Variants in ADAM22 observed in about 807,000 individuals in gnomAD.
ADAM22 encodes the protein ADAM metallopeptidase domain 22, also known as disintegrin and metalloproteinase domain-containing protein 22.
Under a neutral mutation model 144.6 loss-of-function variants are expected in ADAM22, and 65 were observed. The ratio of observed to expected loss-of-function variants is 0.45; its 90% CI spans 0.37 to 0.55. The LOEUF (loss-of-function observed/expected upper bound fraction) is 0.55. Ranked by LOEUF, ADAM22 falls within the 20% of genes least tolerant of loss-of-function variation. The pLI, the probability that ADAM22 is intolerant of heterozygous loss-of-function variation, is 0.00. For synonymous variants in ADAM22, 391 were observed against 412.6 expected, an observed-to-expected ratio of 0.95 and a Z score of 0.63; for missense variants, 974 against 1,184.9, an observed-to-expected ratio of 0.82 and a Z score of 2.61.
Position 87,955,520 on chromosome 7 carries a change from C to A in ADAM22, c.246+20334C>A, listed in dbSNP as rs543015754. ...GTTTTGTCTCAGAGGAGTACCCGGC[C>A]GTGTGAGGTGTCAGTCTGCCCCTAC... is the stretch of plus-strand genomic sequence containing the variant. On this transcript the variant is annotated intron_variant, in intron 2 of 31. Transcript: ENST00000413139. Among the ~76,000 whole-genome samples, 6 of 152,244 alleles carry A rather than the reference C, an allele frequency of 3.9e-5. No homozygotes were observed. In the South Asian group the frequency reaches 1.2e-3, roughly 32 times the overall value.
intron 7 of ADAM22, among the ~76,000 whole-genome samples, chr7:88,122,889 ATCCT>A (rs1158853277): frequency 6.6e-6 from 1 of 152,210 alleles, no homozygotes; most frequent in Admixed American, 6.6e-5. Context: ...AATTCTGCTC[ATCCT>A]TCCTTTTCCA....
At position 88,165,827 on chromosome 7, in the gene ADAM22, C is replaced by T; in HGVS notation, c.2077-5C>T. 6.3e-7 allele frequency: 1 copy of T among 1,591,084 alleles called. No individual in the cohort carries two copies. The highest frequency in any genetic ancestry group is 8.6e-7 in the Non-Finnish European group (1 of 1,168,640). On this transcript the variant is annotated splice_polypyrimidine_tract_variant and splice_region_variant and intron_variant, in intron 23 of 31. Coordinates refer to ENST00000413139, the MANE Select transcript of ADAM22 (RefSeq NM_001324418.2). The stretch of plus-strand genomic sequence containing the variant: ...CATTTACTCTAGCTTGATTTTGGAT[C>T]TCAGGTTTGCAGTAATGAGCTGAAG...
At chr7:87,957,565 T>C (rs1277650395) in intron 2 of ADAM22, among the ~76,000 whole-genome samples, 1 of 151,930 alleles carries the variant, frequency 6.6e-6, no homozygotes, top group Non-Finnish European at 1.5e-5. Context: ...ATCCTTTCCG[T>C]CTTTGTTTTC....
intron 3 of ADAM22, among the ~76,000 whole-genome samples, chr7:88,033,317 T>A (rs1308754630): frequency 6.6e-6 from 1 of 152,142 alleles, no homozygotes; most frequent in African/African-American, 2.4e-5. Context: ...AGCTTGGTGG[T>A]CTTGGATAAG....
At chr7:87,987,030 A>G (rs111363330) in intron 3 of ADAM22, among the ~76,000 whole-genome samples, 1 of 152,216 alleles carries the variant, frequency 6.6e-6, no homozygotes, top group African/African-American at 2.4e-5. Context: ...CAACACTTCC[A>G]ATGTGCAACA....
intron 3 of ADAM22, among the ~76,000 whole-genome samples, chr7:87,986,023 T>C (rs1788402323): frequency 6.6e-6 from 1 of 152,182 alleles, no homozygotes. Flanking sequence ...CTCCTGCAAG[T>C]CTGGAAAGAG....
Position 88,011,276 on chromosome 7 carries a change from C to T in ADAM22, c.323+32864C>T, listed in dbSNP as rs540860357. Among the ~76,000 whole-genome samples, 6 of 152,200 alleles carry T rather than the reference C, an allele frequency of 3.9e-5. No individual in the cohort carries two copies. In the South Asian group the frequency reaches 1.0e-3, roughly 26 times the overall value. The stretch of plus-strand genomic sequence containing the variant: ...TGATATTGAACATTGAAATTAAAAA[C>T]ACTGCCTGTAATCCCAGCACTTTGG... On this transcript the variant is annotated intron_variant, in intron 3 of 31. Transcript: ENST00000413139.
At chr7:88,060,560 G>A (rs1809508065) in intron 3 of ADAM22, among the ~76,000 whole-genome samples, 2 of 150,114 alleles carry the variant, frequency 1.3e-5, no homozygotes, top group Admixed American at 6.6e-5. Context: ...TACGAGGTTA[G>A]GAGATCGAAA....
intron 4 of ADAM22, among the ~76,000 whole-genome samples, chr7:88,106,208 G>A (rs893247080): frequency 1.3e-5 from 2 of 152,110 alleles, no homozygotes; most frequent in Non-Finnish European, 2.9e-5. Context: ...CAGATGTGAA[G>A]TACCACCCTA....
At chr7:87,986,460 G>A (rs1297454274) in intron 3 of ADAM22, among the ~76,000 whole-genome samples, 3 of 152,168 alleles carry the variant, frequency 2.0e-5, no homozygotes, top group Non-Finnish European at 4.4e-5. Context: ...GAAGAGACCA[G>A]TACTAAAGCT....
At chr7:88,039,464 A>AAAAAAAAAAAAAAAATATAT in intron 3 of ADAM22, among the ~76,000 whole-genome samples, 4 of 76,402 alleles carry the variant, frequency 5.2e-5, no homozygotes, top group Admixed American at 1.5e-4. Context: ...AAAAAAAAAA[A>AAAAAAAAAAAAAAAATATAT]ATATATATAT....
At chr7:88,169,853 A>G (rs546333535) in intron 25 of ADAM22, among the ~76,000 whole-genome samples, 2 of 152,234 alleles carry the variant, frequency 1.3e-5, no homozygotes, top group South Asian at 2.1e-4. Flanking sequence ...CAGTTGTTTC[A>G]TTTGGCTGTG....
chr7:87,944,816 GTTT>G (rs11311070), intron 2 of ADAM22, among the ~76,000 whole-genome samples: 78 of 127,024 alleles, frequency 6.1e-4, no homozygotes, highest in African/African-American at 2.1e-3. Flanking sequence ...GGAAACTTGT[GTTT>G]TTTTTTTTTT....
At chr7:88,181,400 T>C in intron 27 of ADAM22, 105 bp from the exon 28 acceptor site, 2 of 854,246 alleles carry the variant, frequency 2.3e-6, no homozygotes, top group Non-Finnish European at 3.6e-6. Flanking sequence ...TCTTTCTTGA[T>C]TTATTTTATT....
chr7:87,941,165 CTT>C (rs950456899), intron 2 of ADAM22, among the ~76,000 whole-genome samples: 3 of 152,118 alleles, frequency 2.0e-5, no homozygotes, highest in African/African-American at 7.2e-5. Context: ...GACGGGCTAA[CTT>C]TTTTCCTCTG....
At chr7:88,187,610 TA>T (rs1164633880) in intron 30 of ADAM22, among the ~76,000 whole-genome samples, 1 of 152,222 alleles carries the variant, frequency 6.6e-6, no homozygotes, top group Non-Finnish European at 1.5e-5. Context: ...TGTGGACAAC[TA>T]AGGTAAAGGA....
intron 3 of ADAM22, among the ~76,000 whole-genome samples, chr7:88,034,135 A>G (rs1008353018): frequency 2.6e-5 from 4 of 151,954 alleles, no homozygotes; most frequent in Admixed American, 1.3e-4. Flanking sequence ...TGTGGCCACC[A>G]TAGCTGGGAA....
intron 3 of ADAM22, among the ~76,000 whole-genome samples, chr7:88,022,574 T>G (rs533172324): frequency 6.6e-6 from 1 of 152,188 alleles, no homozygotes; most frequent in Non-Finnish European, 1.5e-5. Context: ...TACCATTCTG[T>G]TTTTCTAGAG....
At chr7:88,110,603 T>C (rs1034568698) in intron 5 of ADAM22, among the ~76,000 whole-genome samples, 1 of 151,664 alleles carries the variant, frequency 6.6e-6, no homozygotes, top group African/African-American at 2.4e-5. Flanking sequence ...GGCTCACCCC[T>C]GTAATCCCAG....
Sources: allele counts gnomAD v4.1 joint callset (sites outside exome capture counted in the v4.1 genomes callset), GRCh38; gene constraint gnomAD v4.1.1; transcripts MANE v1.5; gene names NCBI Gene and HGNC (gene_info 2026-07-23, HGNC 2026-07-21).